PTPA: variants seen among roughly 807,000 people sequenced by gnomAD.
The protein encoded by PTPA is serine/threonine-protein phosphatase 2A activator.
Under a neutral mutation model 43.6 loss-of-function variants are expected in PTPA, and 13 were observed. That is an observed-to-expected ratio of 0.30 (90% CI 0.19 to 0.47). The LOEUF (loss-of-function observed/expected upper bound fraction) is 0.47, where lower values mean the gene tolerates loss of function less well. PTPA is among the 20% of genes least tolerant of loss of function. The pLI, the probability that PTPA is intolerant of heterozygous loss-of-function variation, is 0.99. For missense variants in PTPA, 329 were observed against 411.9 expected, an observed-to-expected ratio of 0.80 and a Z score of 1.74; for synonymous variants, 172 against 158.2, an observed-to-expected ratio of 1.09 and a Z score of -0.66.
intron 3 of PTPA, among the ~76,000 whole-genome samples, chr9:129,124,408 A>G (rs1849447154): frequency 6.6e-6 from 1 of 152,130 alleles, no homozygotes; most frequent in Non-Finnish European, 1.5e-5. Flanking sequence ...TGCTCCTCGC[A>G]TATCATTGCA....
intron 8 of PTPA, among the ~76,000 whole-genome samples, chr9:129,139,016 G>T (rs1447467261): frequency 6.6e-6 from 1 of 152,170 alleles, no homozygotes; most frequent in Non-Finnish European, 1.5e-5. Flanking sequence ...GAGCCCTGGG[G>T]GACCTCAGGA....
Position 129,142,524 on chromosome 9 carries a change from A to G in PTPA, c.866A>G (p.Gln289Arg). ...SAVPSWSKVN[Q>R]GLIRMYKAEC... Reference sequence around the variant, plus strand: ...GTCCCTTCCTGGTCCAAAGTGAACCAGGGTCTCATCCGCATGTATAAGGCC... The same window carrying G: ...GTCCCTTCCTGGTCCAAAGTGAACCGGGGTCTCATCCGCATGTATAAGGCC... Residue 289 changes from glutamine (Q) to arginine (R), a missense_variant, in exon 9 of 10, where the codon CAG (glutamine) becomes CGG (arginine). Coordinates refer to ENST00000393370, the MANE Select transcript of PTPA (RefSeq NM_178000.3). 1 of 1,614,052 alleles carries G rather than the reference A, an allele frequency of 6.2e-7. No homozygotes were observed. The highest frequency in any genetic ancestry group is 8.5e-7 in the Non-Finnish European group (1 of 1,179,922).
At position 129,148,321 on chromosome 9, in the gene PTPA, A is replaced by G. The variant is rs1164425033; in HGVS notation, c.*857A>G. On this transcript the variant is annotated 3_prime_UTR_variant, in exon 10 of 10. Coordinates refer to ENST00000393370, the MANE Select transcript of PTPA (RefSeq NM_178000.3). ...AAACTCAGGGAGGGGCTTGGGGCCCATTGTATCTGGAGAGCCTGGATTCCT... is the reference window on the plus strand; with the variant it reads ...AAACTCAGGGAGGGGCTTGGGGCCCGTTGTATCTGGAGAGCCTGGATTCCT... The G allele has an allele frequency of 6.6e-6, 1 of 152,646 alleles. No individual in the cohort carries two copies. The highest frequency in any genetic ancestry group is 2.4e-5 in the African/African-American group (1 of 41,420). The allele number at this position is 152,646 out of a possible 1,614,324, so 9.5% of individuals were successfully genotyped here. A position where few individuals can be genotyped will look rare whatever the true frequency, so the allele number is the denominator to read the frequency against.
rs1231393669 is a variant in PTPA at position 129,131,618 on chromosome 9, A to T, written c.439A>T (p.Thr147Ser). 1 of 1,613,936 alleles carries T rather than the reference A, an allele frequency of 6.2e-7. No individual in the cohort carries two copies. The part of the protein sequence containing the change: ...VYLKESVGNS[T>S]RIDYGTGHEA... ...CCTAAAGGAGTCAGTGGGGAACTCC[A>T]CGCGCATTGACTACGGCACAGGTAT... is the stretch of plus-strand genomic sequence containing the variant. The change falls in exon 5 of 10, where the codon ACG becomes TCG. Residue 147 changes from threonine (T) to serine (S), a missense_variant. Thr to Ser is a moderately conservative substitution (Grantham distance 58, BLOSUM62 1). Transcript: ENST00000393370.
intron 2 of PTPA, 78 bp downstream of exon 2, chr9:129,120,688 C>T (rs1321964762): frequency 1.6e-6 from 2 of 1,258,042 alleles, no homozygotes; most frequent in Non-Finnish European, 2.3e-6. Flanking sequence ...CGGTGAGTTC[C>T]TGGCCCTTCT....
At chr9:129,125,685 G>A (rs1484604177) in intron 3 of PTPA, among the ~76,000 whole-genome samples, 1 of 152,160 alleles carries the variant, frequency 6.6e-6, no homozygotes, top group Non-Finnish European at 1.5e-5. Context: ...AGTGGTAAGA[G>A]TCAGCAGACT....
chr9:129,129,452 A>T (rs939158361), intron 4 of PTPA, among the ~76,000 whole-genome samples: 22 of 151,532 alleles, frequency 1.5e-4, no homozygotes, highest in Admixed American at 6.6e-5. Context: ...ATAAAAAGGA[A>T]TTTTTTTTAT....
chr9:129,116,913 C>T lies in PTPA; in HGVS notation c.32-3600C>T, dbSNP rs191212071. ...AATTCCTGGGCTCAAGCGATCCTGC[C>T]GCCTGGGCCTCCCAAAGTGCTGGGA... is the stretch of plus-strand genomic sequence containing the variant. On this transcript the variant is annotated intron_variant, in intron 1 of 9. Transcript: ENST00000393370. 2.2e-4 allele frequency among the ~76,000 whole-genome samples: 33 copies of T among 152,072 alleles called. No homozygotes were observed. The East Asian group carries it at 5.0e-3, about 23-fold the overall frequency.
At chr9:129,145,400 G>A (rs1470620537) in intron 9 of PTPA, among the ~76,000 whole-genome samples, 3 of 152,108 alleles carry the variant, frequency 2.0e-5, no homozygotes, top group African/African-American at 7.2e-5. Context: ...CTAGCAACTA[G>A]CCCTTAGTCC....
At chr9:129,146,565 G>T (rs1851315637) in intron 9 of PTPA, among the ~76,000 whole-genome samples, 1 of 152,260 alleles carries the variant, frequency 6.6e-6, no homozygotes, top group Non-Finnish European at 1.5e-5. Flanking sequence ...AAAGGTGTGG[G>T]AGGAGGCCCT....
chr9:129,135,796 T>C (rs1211674314), intron 6 of PTPA, among the ~76,000 whole-genome samples: 1 of 152,164 alleles, frequency 6.6e-6, no homozygotes, highest in Admixed American at 6.5e-5. Context: ...CCTCTGATAA[T>C]ATAGAAGGTT....
chr9:129,129,373 C>G (rs1478527981), intron 4 of PTPA, among the ~76,000 whole-genome samples: 1 of 152,076 alleles, frequency 6.6e-6, no homozygotes, highest in African/African-American at 2.4e-5. Context: ...TGGAAATGTT[C>G]CAAGTATCCA....
At chr9:129,111,234 A>C, upstream of PTPA, 1 of 1,133,224 alleles carries the variant, frequency 8.8e-7, no homozygotes, top group South Asian at 1.8e-5. Flanking sequence ...CCCAAACTTG[A>C]CGCCCCGCAC....
intron 8 of PTPA, chr9:129,139,744 C>T (rs1850632621): frequency 6.6e-6 from 1 of 152,040 alleles, no homozygotes; most frequent in Non-Finnish European, 1.5e-5. Flanking sequence ...CTCTGGAGAC[C>T]CTGGATTCAC....
chr9:129,144,975 G>A (rs532543704), intron 9 of PTPA, among the ~76,000 whole-genome samples: 2 of 152,262 alleles, frequency 1.3e-5, no homozygotes, highest in African/African-American at 4.8e-5. Context: ...GGAGGTTGCA[G>A]TGAATTGAGA....
rs890419983 is a variant in PTPA, at chr9:129,114,437, C to CT, written c.31+2815dup. 3.3e-5 allele frequency among the ~76,000 whole-genome samples: 5 copies of CT among 151,546 alleles called. No individual in the cohort carries two copies. The South Asian group carries it at 6.3e-4, about 19-fold the overall frequency. ...GTTACTTCTCTCTTTTTTAAAATTT[C>CT]TTTTTTTTTCCCTGAGAAAAAGCCT... is the stretch of plus-strand genomic sequence containing the variant. On this transcript the variant is annotated intron_variant, in intron 1 of 9. Transcript: ENST00000393370.
At chr9:129,141,497 G>T (rs1315680179) in intron 8 of PTPA, 3 of 151,174 alleles carry the variant, frequency 2.0e-5, no homozygotes, top group Non-Finnish European at 4.4e-5. Flanking sequence ...GGGGGGCTGT[G>T]TCGAGGGGAA....
intron 4 of PTPA, 79 bp from the exon 5 acceptor site, chr9:129,131,443 C>A: frequency 7.8e-7 from 1 of 1,283,240 alleles, no homozygotes; most frequent in South Asian, 1.2e-5. Flanking sequence ...GGCCCCCAGT[C>A]AGGTGCTGCC....
intron 3 of PTPA, among the ~76,000 whole-genome samples, chr9:129,125,306 C>T (rs1222897569): frequency 2.0e-5 from 3 of 151,524 alleles, no homozygotes; most frequent in Non-Finnish European, 2.9e-5. Flanking sequence ...GGCTGGAGTG[C>T]AATGGCATGA....
Sources: gnomAD v4.1 joint callset for allele counts (sites outside exome capture counted in the v4.1 genomes callset) on GRCh38, gnomAD v4.1.1 for gene constraint, MANE v1.5 for transcripts, NCBI Gene and HGNC (gene_info 2026-07-23, HGNC 2026-07-21) for gene names.